Variants in RNF217 observed in about 807,000 individuals in gnomAD.
RNF217 encodes the protein ring finger protein 217.
Under a neutral mutation model 57.8 loss-of-function variants are expected in RNF217, and 31 were observed. That is an observed-to-expected ratio of 0.54 (90% CI 0.40 to 0.72). RNF217 has a LOEUF of 0.72. RNF217 is among the 30% of genes least tolerant of loss of function. The pLI is 0.00. For synonymous variants in RNF217, 313 were observed against 294.0 expected, an observed-to-expected ratio of 1.06 and a Z score of -0.66; for missense variants, 696 against 708.3, an observed-to-expected ratio of 0.98 and a Z score of 0.20.
At chr6:125,069,675 C>T (rs1456606957) in intron 3 of RNF217, among the ~76,000 whole-genome samples, 1 of 152,184 alleles carries the variant, frequency 6.6e-6, no homozygotes, top group Non-Finnish European at 1.5e-5. Flanking sequence ...AATAGGACTC[C>T]TGGGTCCAAC....
chr6:125,068,593 A>C (rs1788024216), intron 3 of RNF217, among the ~76,000 whole-genome samples: 1 of 152,176 alleles, frequency 6.6e-6, no homozygotes, highest in African/African-American at 2.4e-5. Context: ...TCAGTGAGAA[A>C]ATATTTTTTC....
At chr6:125,027,233 A>G (rs558914720) in intron 1 of RNF217, among the ~76,000 whole-genome samples, 3 of 152,308 alleles carry the variant, frequency 2.0e-5, no homozygotes, top group African/African-American at 7.2e-5. Flanking sequence ...GTGCTATCAA[A>G]TAGTAGGTCT....
Position 125,081,489 on chromosome 6 carries a change from G to T in RNF217, c.1537G>T (p.Ala513Ser), listed in dbSNP as rs1324720221. ...LIMVLGLALG[A>S]IAVVIGLFVF... ...TATGGTTTTGGGATTGGCACTAGGG[G>T]CCATAGCGGTTGTAATCGGTAAGAA... The change falls in exon 5 of 6, where the codon GCC (alanine) becomes TCC (serine). Residue 513 changes from alanine to serine, a missense_variant. Around this residue, in one of 2 missense-constraint regions of RNF217, gnomAD observed 231 missense variants for 321.4 expected, o/e 0.72. Transcript: ENST00000521654. 6.2e-7 allele frequency: 1 copy of T among 1,611,152 alleles called. No homozygotes were observed. The highest frequency in any genetic ancestry group is 2.2e-5 in the East Asian group (1 of 44,784).
chr6:125,013,494 C>T (rs958256779), intron 1 of RNF217, among the ~76,000 whole-genome samples: 1 of 150,396 alleles, frequency 6.6e-6, no homozygotes, highest in African/African-American at 2.4e-5. Flanking sequence ...AGAGGGGGAG[C>T]TTTCCAGGGA....
intron 1 of RNF217, among the ~76,000 whole-genome samples, chr6:125,025,543 A>AAAGG (rs1324137403): frequency 1.2e-4 from 18 of 146,072 alleles, no homozygotes; most frequent in East Asian, 2.1e-4. Context: ...GGATATTTCC[A>AAAGG]AAGGAAGGAA....
chr6:125,072,793 T>C (rs1195078725), intron 3 of RNF217, among the ~76,000 whole-genome samples: 1 of 152,152 alleles, frequency 6.6e-6, no homozygotes, highest in Non-Finnish European at 1.5e-5. Context: ...AATAATATGA[T>C]TGATCTTCTG....
At position 125,090,273 on chromosome 6, in the gene RNF217, A is replaced by G. The variant is rs1445676399; in HGVS notation, c.*7336A>G. 1.3e-5 allele frequency: 2 copies of G among 152,096 alleles called. No individual in the cohort carries two copies. Among genetic ancestry groups the G allele is most frequent in the African/African-American group, 2.4e-5 (1 of 41,452 alleles). 9.4% of individuals were successfully genotyped at this position (152,096 alleles called of 1,614,324 possible). ...TTTGTTGCTTTTAGAAGCAATTAAC[A>G]TAGTAATTAGTAAATTCTGAGAGAT... On this transcript the variant is annotated 3_prime_UTR_variant, in exon 6 of 6. Transcript: ENST00000521654.
In RNF217 at chr6:124,963,162, C is replaced by A; in HGVS notation, c.618C>A (p.Ser206Arg). The A allele has an allele frequency of 6.5e-7, 1 of 1,535,154 alleles. No individual in the cohort carries two copies. Among genetic ancestry groups the A allele is most frequent in the South Asian group, 1.2e-5 (1 of 83,846 alleles). The part of the protein sequence containing the change: ...NPPSTRSSFP[S>R]PRLSLPTDSL... ...CCAGCACCCGCTCTTCCTTCCCCAG[C>A]CCCCGACTGTCCCTCCCAACGGATT... Residue 206 changes from serine to arginine, a missense_variant, in exon 1 of 6, where the codon AGC (serine) becomes AGA (arginine). Around this residue, in one of 2 missense-constraint regions of RNF217, gnomAD observed 465 missense variants for 386.8 expected, o/e 1.20. Transcript: ENST00000521654.
rs565024499 is a variant in RNF217 at position 124,962,576 on chromosome 6, G to A, written c.32G>A (p.Gly11Asp). The change falls in exon 1 of 6, where the codon GGC (glycine) becomes GAC (aspartate). Residue 11 changes from glycine to aspartate, a missense_variant. Gly to Asp is a moderately conservative substitution (Grantham distance 94). Coordinates refer to ENST00000521654, the MANE Select transcript of RNF217 (RefSeq NM_001286398.3). The surrounding 1 kb of genome is among the most constrained non-coding windows in gnomAD (Gnocchi z 4.6). ...GAGGAGCAGAGCACGGTGAGCGGCG[G>A]CGGCGGGCCCCAGGAGTCGCAGACC... MGEEQSTVSG[G>D]GGPQESQTLA... 1.3e-5 allele frequency: 17 copies of A among 1,266,068 alleles called. No individual in the cohort carries two copies. The highest frequency in any genetic ancestry group is 1.0e-4 in the East Asian group (3 of 29,944). 78.4% of individuals were successfully genotyped at this position (1,266,068 alleles called of 1,614,324 possible). A position where few individuals can be genotyped will look rare whatever the true frequency, so the allele number is the denominator to read the frequency against.
At chr6:125,068,577 A>G (rs1029518931) in intron 3 of RNF217, among the ~76,000 whole-genome samples, 6 of 152,210 alleles carry the variant, frequency 3.9e-5, no homozygotes, top group Non-Finnish European at 8.8e-5. Flanking sequence ...GCCATGTCAG[A>G]CTTTATCAGT....
chr6:125,003,763 G>T (rs1785069765), intron 1 of RNF217, among the ~76,000 whole-genome samples: 1 of 152,014 alleles, frequency 6.6e-6, no homozygotes, highest in Non-Finnish European at 1.5e-5. Context: ...AAAACCCAAT[G>T]TGATTTTTTT....
chr6:125,005,242 C>T (rs1397383385), intron 1 of RNF217, among the ~76,000 whole-genome samples: 1 of 152,196 alleles, frequency 6.6e-6, no homozygotes, highest in Non-Finnish European at 1.5e-5. Flanking sequence ...ATGGAAAGGA[C>T]TGATGTAAAC....
intron 4 of RNF217, among the ~76,000 whole-genome samples, chr6:125,079,385 A>G (rs1788492490): frequency 6.6e-6 from 1 of 152,070 alleles, no homozygotes; most frequent in Non-Finnish European, 1.5e-5. Context: ...TAGATGGCAA[A>G]TAATTTATAT....
chr6:125,074,173 T>G (rs1788259559), intron 3 of RNF217, among the ~76,000 whole-genome samples: 1 of 152,162 alleles, frequency 6.6e-6, no homozygotes, highest in African/African-American at 2.4e-5. Flanking sequence ...CTTGGTCCCT[T>G]CATTTCCCCA....
At chr6:125,010,172 G>C (rs183261887) in intron 1 of RNF217, among the ~76,000 whole-genome samples, 1 of 152,030 alleles carries the variant, frequency 6.6e-6, no homozygotes, top group Admixed American at 6.6e-5. Context: ...TGCTCGTTCA[G>C]TATTTTGCTC....
At chr6:124,977,031 A>G (rs752356642) in intron 1 of RNF217, among the ~76,000 whole-genome samples, 1 of 152,220 alleles carries the variant, frequency 6.6e-6, no homozygotes, top group Non-Finnish European at 1.5e-5. Flanking sequence ...CAAACTGTTC[A>G]TACATGCTTT....
In RNF217 at chr6:124,983,772, A is replaced by G. The variant is rs145943502; in HGVS notation, c.882+20346A>G. On this transcript the variant is annotated intron_variant, in intron 1 of 5. Coordinates refer to ENST00000521654, the MANE Select transcript of RNF217 (RefSeq NM_001286398.3). ...CCTGTAATAACTATAAGACTCTTGGAAAAGATACTTAATGGGTTAGTGTCT... is the reference window on the plus strand; with the variant it reads ...CCTGTAATAACTATAAGACTCTTGGGAAAGATACTTAATGGGTTAGTGTCT... Among the ~76,000 whole-genome samples, 255 of 152,316 alleles carry G rather than the reference A, an allele frequency of 1.7e-3. 2 individuals carry two copies. The highest frequency in any genetic ancestry group is 5.9e-3 in the African/African-American group (245 of 41,562).
Position 125,090,836 on chromosome 6 carries a change from T to A in RNF217, c.*7899T>A, listed in dbSNP as rs371224642. 13 of 152,116 alleles carry A rather than the reference T, an allele frequency of 8.5e-5. No homozygotes were observed. In the East Asian group the frequency reaches 1.7e-3, roughly 20 times the overall value. 9.4% of individuals were successfully genotyped at this position (152,116 alleles called of 1,614,324 possible). A position where few individuals can be genotyped will look rare whatever the true frequency, so the allele number is the denominator to read the frequency against. The stretch of plus-strand genomic sequence containing the variant: ...TTGGAAAATATTTATGCAATTTTAT[T>A]TTTTAACCTTTTCTCCATTTCATTA... On this transcript the variant is annotated 3_prime_UTR_variant, in exon 6 of 6. Transcript: ENST00000521654.
chr6:125,020,138 A>C (rs1785779454), intron 1 of RNF217, among the ~76,000 whole-genome samples: 1 of 152,214 alleles, frequency 6.6e-6, no homozygotes, highest in African/African-American at 2.4e-5. Flanking sequence ...AATGATAAAC[A>C]GCTACCATTG....
Sources: allele counts gnomAD v4.1 joint callset (sites outside exome capture counted in the v4.1 genomes callset), GRCh38; gene constraint gnomAD v4.1.1; regional missense constraint gnomAD v4.1.1; non-coding constraint Gnocchi (gnomAD v3.1); transcripts MANE v1.5; gene names NCBI Gene and HGNC (gene_info 2026-07-23, HGNC 2026-07-21).